Variants in ADAMTS7 observed in about 807,000 individuals in gnomAD.
ADAMTS7 encodes A disintegrin and metalloproteinase with thrombospondin motifs 7.
Under a neutral mutation model 172.6 loss-of-function variants are expected in ADAMTS7, and 89 were observed. The ratio of observed to expected loss-of-function variants is 0.52; its 90% confidence interval spans 0.43 to 0.61. ADAMTS7 has a LOEUF of 0.61. Among genes scored for constraint, ADAMTS7 ranks in the 20% least tolerant of loss-of-function variants. ADAMTS7 has a pLI of 0.00. For missense variants in ADAMTS7, 1,973 were observed against 2,355.6 expected (o/e 0.84, Z 3.36); for synonymous variants, 885 against 978.4 (o/e 0.90, Z 1.78).
Position 78,798,003 on chromosome 15 carries a change from C to A in ADAMTS7, c.567G>T (p.Pro189=). The A allele has an allele frequency of 6.3e-7, 1 of 1,587,642 alleles. No individual in the cohort carries two copies. The highest frequency in any genetic ancestry group is 8.5e-7 in the Non-Finnish European group (1 of 1,169,862). ...AATCACCCCGCTGTGCCAGCCTCTC[C>A]GGGGCCTGACGCTTGTACACCACAT... ...QPHVVYKRQA[P]ERLAQRGDSS... is the part of the protein sequence containing the mutation. The change falls in exon 3 of 24, where the codon CCG becomes CCT. Residue 189 remains proline, a synonymous_variant. Transcript: ENST00000388820.
chr15:78,790,049 AGCACAGACCC>A (rs1271389775), intron 6 of ADAMTS7, among the ~76,000 whole-genome samples: 2 of 152,208 alleles, frequency 1.3e-5, no homozygotes, highest in South Asian at 2.1e-4. Flanking sequence ...GGCCCTTGAG[AGCACAGACCC>A]GCACAGAACA....
rs1312486340 is a variant in ADAMTS7, at chr15:78,800,515, T to C, written c.133A>G (p.Ile45Val). 6.2e-7 allele frequency: 1 copy of C among 1,605,686 alleles called. No individual in the cohort carries two copies. Among genetic ancestry groups the C allele is most frequent in the African/African-American group, 1.3e-5 (1 of 74,826 alleles). The stretch of plus-strand genomic sequence containing the variant: ...GCGTCGACTCGAACCGGGTGCACGA[T>C]GTCCAGTGCCGCCCGGCCCTCGGTT... ...RATEGRAALDIVHPVRVDAGG... is the reference protein window; with the variant it reads ...RATEGRAALDVVHPVRVDAGG... Residue 45 changes from isoleucine to valine, a missense_variant, in exon 2 of 24, where the codon ATC becomes GTC. Coordinates refer to ENST00000388820, the MANE Select transcript of ADAMTS7 (RefSeq NM_014272.5).
intron 8 of ADAMTS7, among the ~76,000 whole-genome samples, chr15:78,785,729 G>C (rs138196764): frequency 1.3e-5 from 2 of 152,264 alleles, no homozygotes; most frequent in African/African-American, 4.8e-5. Flanking sequence ...TGATGCAAGG[G>C]TGCTAAATCC....
rs755076762 is a variant in ADAMTS7, at chr15:78,766,691, C to T, written c.3220G>A (p.Glu1074Lys). 5 of 1,610,892 alleles carry T rather than the reference C, an allele frequency of 3.1e-6. No homozygotes were observed. Among genetic ancestry groups the T allele is most frequent in the South Asian group, 2.2e-5 (2 of 90,990 alleles). ...TCAGAGGGCCCGTAGGACAGATCCT[C>T]GTGGAAATTGATGAAATTGTAGTCG... ...YYDYNFINFH[E>K]DLSYGPSEEP... Residue 1074 changes from glutamate to lysine, a missense_variant, in exon 19 of 24, where the codon GAG becomes AAG. Around this residue, in one of 8 missense-constraint regions of ADAMTS7, gnomAD observed 771 missense variants for 952.6 expected, o/e 0.81. Coordinates refer to ENST00000388820, the MANE Select transcript of ADAMTS7 (RefSeq NM_014272.5).
Position 78,771,874 on chromosome 15 carries a change from G to T in ADAMTS7, c.2132-45C>A. ...CATAGGTTGTGCCCAGGGTGAGAGG[G>T]TTGCTTATCCCCACCCGCTCCCCTC... On this transcript the variant is annotated intron_variant, in intron 14 of 23. Transcript: ENST00000388820. The surrounding 1 kb of genome is among the most constrained non-coding windows in gnomAD (Gnocchi z 4.9). 1 of 1,584,376 alleles carries T rather than the reference G, an allele frequency of 6.3e-7. No individual in the cohort carries two copies. The highest frequency in any genetic ancestry group is 8.6e-7 in the Non-Finnish European group (1 of 1,168,946).
At chr15:78,773,763 A>G (rs200699872) in intron 13 of ADAMTS7, among the ~76,000 whole-genome samples, 3 of 152,170 alleles carry the variant, frequency 2.0e-5, no homozygotes, top group African/African-American at 4.8e-5. Flanking sequence ...TGTGTCACCT[A>G]TGCCACCTCA....
intron 4 of ADAMTS7, among the ~76,000 whole-genome samples, chr15:78,795,073 GGTGAAATGAACCCA>G (rs2055625944): frequency 6.6e-6 from 1 of 152,202 alleles, no homozygotes. Context: ...GAAAAGTGGG[GGTGAAATGAACCCA>G]GTTAACCATT....
In ADAMTS7 at chr15:78,796,799, A is replaced by G; in HGVS notation, c.623-13T>C. ...AGCTCTGGGTACACTGGAGGCCCAGATGGGGTGGAGTTAGCTGCCAGTGGA... is the reference window on the plus strand; with the variant it reads ...AGCTCTGGGTACACTGGAGGCCCAGGTGGGGTGGAGTTAGCTGCCAGTGGA... On this transcript the variant is annotated splice_polypyrimidine_tract_variant and intron_variant, in intron 3 of 23. Transcript: ENST00000388820. 1 of 1,601,090 alleles carries G rather than the reference A, an allele frequency of 6.2e-7. No homozygotes were observed. Among genetic ancestry groups the G allele is most frequent in the Non-Finnish European group, 8.5e-7 (1 of 1,176,472 alleles).
At chr15:78,764,495 G>C in intron 20 of ADAMTS7, 60 bp downstream of exon 20, 2 of 1,503,822 alleles carry the variant, frequency 1.3e-6, no homozygotes, top group Non-Finnish European at 1.8e-6. Context: ...ACAGGCCGTG[G>C]GGAACCAGGG....
chr15:78,776,569 T>C (rs368804853), intron 10 of ADAMTS7, 180 bp downstream of exon 10: 47 of 831,462 alleles, frequency 5.7e-5, no homozygotes, highest in Non-Finnish European at 8.0e-5. Context: ...TGGGGAATCA[T>C]GGAATCAAGC....
chr15:78,790,687 A>C lies in ADAMTS7; in HGVS notation c.1011T>G (p.Thr337=), dbSNP rs778048052. ...TGCAGTACCTGGTGAGCAGGATGGC[A>C]GTGTCATGGTGCAGGGGATGGGCAT... is the stretch of plus-strand genomic sequence containing the variant. ...KGDAHPLHHD[T]AILLTRKDLC... Residue 337 remains threonine (T), a synonymous_variant, in exon 6 of 24, where the codon ACT becomes ACG. Coordinates refer to ENST00000388820, the MANE Select transcript of ADAMTS7 (RefSeq NM_014272.5). 6.2e-7 allele frequency: 1 copy of C among 1,613,716 alleles called. No homozygotes were observed. Among genetic ancestry groups the C allele is most frequent in the African/African-American group, 1.3e-5 (1 of 74,904 alleles).
At position 78,766,351 on chromosome 15, in the gene ADAMTS7, G is replaced by A. The variant is rs551113981; in HGVS notation, c.3560C>T (p.Pro1187Leu). The part of the protein sequence containing the change: ...PRVSTDGLQT[P>L]ATPESQNDFP... ...ATCATTTTGGCTCTCAGGGGTGGCA[G>A]GTGTCTGCAGGCCATCAGTGGAAAC... Residue 1187 changes from proline to leucine, a missense_variant, in exon 19 of 24, where the codon CCT becomes CTT. Pro to Leu is a moderately conservative substitution (Grantham distance 98, BLOSUM62 -3). Coordinates refer to ENST00000388820, the MANE Select transcript of ADAMTS7 (RefSeq NM_014272.5). The A allele has an allele frequency of 2.5e-5, 40 of 1,610,828 alleles. No individual in the cohort carries two copies. The East Asian group carries it at 6.5e-4, about 26-fold the overall frequency.
At chr15:78,784,238 A>G (rs2055470494) in intron 8 of ADAMTS7, among the ~76,000 whole-genome samples, 1 of 151,928 alleles carries the variant, frequency 6.6e-6, no homozygotes. Context: ...GGTGGCACAC[A>G]CTTGTTGTCC....
chr15:78,764,335 A>C (rs1385375484), intron 20 of ADAMTS7, among the ~76,000 whole-genome samples: 1 of 152,250 alleles, frequency 6.6e-6, no homozygotes, highest in Non-Finnish European at 1.5e-5. Context: ...CTGGTGAAAG[A>C]CAAGTCCAGA....
At chr15:78,787,259 C>T (rs760883504) in intron 8 of ADAMTS7, among the ~76,000 whole-genome samples, 1 of 149,426 alleles carries the variant, frequency 6.7e-6, no homozygotes, top group Non-Finnish European at 1.5e-5. Flanking sequence ...AAACCTGGCA[C>T]TGCACAAAAT....
intron 8 of ADAMTS7, among the ~76,000 whole-genome samples, chr15:78,780,640 A>T (rs1243322044): frequency 6.6e-6 from 1 of 151,944 alleles, no homozygotes; most frequent in African/African-American, 2.4e-5. Flanking sequence ...TCTTCAGGTC[A>T]ACCCTCTTGG....
chr15:78,765,129 C>A, intron 19 of ADAMTS7: 1 of 206,400 alleles, frequency 4.8e-6, no homozygotes, highest in Non-Finnish European at 9.7e-6. Context: ...CCTGCCCCTT[C>A]CCGCCCCAAA....
rs1261986448 is a variant in ADAMTS7, at chr15:78,777,697, C to G, written c.1323-109G>C. 3.6e-6 allele frequency: 5 copies of G among 1,383,406 alleles called. No homozygotes were observed. In the Admixed American group the frequency reaches 6.8e-5, roughly 19 times the overall value. 85.7% of individuals were successfully genotyped at this position (1,383,406 alleles called of 1,614,324 possible). A position where few individuals can be genotyped will look rare whatever the true frequency, so the allele number is the denominator to read the frequency against. On this transcript the variant is annotated intron_variant, in intron 8 of 23. Coordinates refer to ENST00000388820, the MANE Select transcript of ADAMTS7 (RefSeq NM_014272.5). Reference sequence around the variant, plus strand: ...AGGTGGGAGGGGGCACAGAGCCCTACAACTGTAGGAAACTCCAGCCTCCCC... The same window carrying G: ...AGGTGGGAGGGGGCACAGAGCCCTAGAACTGTAGGAAACTCCAGCCTCCCC...
Position 78,759,652 on chromosome 15 carries a change from A to G in ADAMTS7, c.4904-74T>C, listed in dbSNP as rs1221921220. 2.1e-6 allele frequency: 3 copies of G among 1,417,904 alleles called. No homozygotes were observed. The African/African-American group carries it at 4.4e-5, about 21-fold the overall frequency. The allele number at this position is 1,417,904 out of a possible 1,614,324, so 87.8% of individuals were successfully genotyped here. A position where few individuals can be genotyped will look rare whatever the true frequency, so the allele number is the denominator to read the frequency against. ...CAGAACCTGGCTCCCTACGCCAACC[A>G]CCTTAAGGAGGCTCCAGCAGCTCCC... On this transcript the variant is annotated intron_variant, in intron 23 of 23. Coordinates refer to ENST00000388820, the MANE Select transcript of ADAMTS7 (RefSeq NM_014272.5).
Sources: gnomAD v4.1 joint callset for allele counts (sites outside exome capture counted in the v4.1 genomes callset) on GRCh38, gnomAD v4.1.1 for gene constraint, gnomAD v4.1.1 regional missense constraint, Gnocchi (gnomAD v3.1) non-coding constraint, MANE v1.5 for transcripts, NCBI Gene and HGNC (gene_info 2026-07-23, HGNC 2026-07-21) for gene names.